The following DLG2 variants were observed in gnomAD, a reference collection of about 807,000 sequenced individuals.
DLG2 encodes disks large homolog 2.
In DLG2, 45 loss-of-function variants were observed where a neutral mutation model predicts 132.5. The observed-to-expected ratio is 0.34, with a 90% confidence interval of 0.27 to 0.44. The LOEUF is 0.44. Among genes scored for constraint, DLG2 ranks in the 20% least tolerant of loss-of-function variants. DLG2 has a pLI of 1.00. For synonymous variants in DLG2, 424 were observed against 419.6 expected, an observed-to-expected ratio of 1.01 and a Z score of -0.13; for missense variants, 1,045 against 1,196.9, an observed-to-expected ratio of 0.87 and a Z score of 1.87.
intron 6 of DLG2, among the ~76,000 whole-genome samples, chr11:84,616,004 C>A (rs1213681493): frequency 6.6e-6 from 1 of 151,720 alleles, no homozygotes; most frequent in East Asian, 1.9e-4. Context: ...GTGATCAAGA[C>A]AGACATTAGT....
chr11:83,924,067 T>C (rs988944242), intron 15 of DLG2, among the ~76,000 whole-genome samples: 10 of 152,198 alleles, frequency 6.6e-5, no homozygotes, highest in Admixed American at 4.6e-4. Flanking sequence ...GCTTAACTTA[T>C]TCCTATTTCT....
chr11:85,150,941 A>G (rs1258200291), intron 5 of DLG2, among the ~76,000 whole-genome samples: 1 of 152,128 alleles, frequency 6.6e-6, no homozygotes, highest in Admixed American at 6.6e-5. Flanking sequence ...TAAAGTTTTC[A>G]AGAATCTTTA....
chr11:84,545,952 C>T (rs1463760753), intron 6 of DLG2, among the ~76,000 whole-genome samples: 3 of 152,004 alleles, frequency 2.0e-5, no homozygotes, highest in Non-Finnish European at 2.9e-5. Context: ...GATGGGGTTT[C>T]GCCATGTTGG....
chr11:83,557,946 T>C (rs2096547719), intron 19 of DLG2, among the ~76,000 whole-genome samples: 1 of 152,128 alleles, frequency 6.6e-6, no homozygotes, highest in Non-Finnish European at 1.5e-5. Context: ...AAGGGGCCTT[T>C]TTCAATTTTA....
chr11:83,661,387 C>A (rs1405042463), intron 18 of DLG2, among the ~76,000 whole-genome samples: 1 of 152,024 alleles, frequency 6.6e-6, no homozygotes, highest in African/African-American at 2.4e-5. Flanking sequence ...CTATTCCTAT[C>A]ATTTTTCAGA....
At chr11:85,397,374 C>A in intron 3 of DLG2, among the ~76,000 whole-genome samples, 1 of 152,176 alleles carries the variant, frequency 6.6e-6, no homozygotes, top group South Asian at 2.1e-4. Context: ...CATCAATTAA[C>A]GGGCAAAATA....
chr11:84,850,239 C>T (rs908822223), intron 6 of DLG2, among the ~76,000 whole-genome samples: 11 of 152,064 alleles, frequency 7.2e-5, no homozygotes, highest in Admixed American at 3.3e-4. Flanking sequence ...CCAGACCTAG[C>T]CCTTAAAAAT....
intron 3 of DLG2, among the ~76,000 whole-genome samples, chr11:85,304,635 TAATA>T (rs1224581639): frequency 6.6e-6 from 1 of 152,138 alleles, no homozygotes; most frequent in Non-Finnish European, 1.5e-5. Context: ...GATGATCAAC[TAATA>T]AATATTTCAA....
intron 7 of DLG2, among the ~76,000 whole-genome samples, chr11:84,499,205 G>T (rs1426065791): frequency 6.6e-6 from 1 of 152,146 alleles, no homozygotes; most frequent in Non-Finnish European, 1.5e-5. Flanking sequence ...TAAACTTTTT[G>T]AAACTCACTT....
At chr11:84,556,453 C>T (rs979403725) in intron 6 of DLG2, among the ~76,000 whole-genome samples, 5 of 152,216 alleles carry the variant, frequency 3.3e-5, no homozygotes, top group Non-Finnish European at 5.9e-5. Flanking sequence ...GATCTTTTGG[C>T]TTCCCTAGGC....
At chr11:85,404,339 A>G (rs1039131176) in intron 3 of DLG2, among the ~76,000 whole-genome samples, 1 of 152,052 alleles carries the variant, frequency 6.6e-6, no homozygotes, top group African/African-American at 2.4e-5. Context: ...TACTGAATGG[A>G]TTAAAAGAAG....
rs1283600041 is a variant in DLG2, at chr11:85,074,829, AT to A, written c.357+36831del. ...CCCTAGTACATGCATGAAAAACAGT[AT>A]GTGCTAAATTTGAATTTGATTAATA... On this transcript the variant is annotated intron_variant, in intron 6 of 27. Coordinates refer to ENST00000376104, the MANE Select transcript of DLG2 (RefSeq NM_001142699.3). 9.9e-5 allele frequency among the ~76,000 whole-genome samples: 15 copies of A among 152,026 alleles called. 1 individual carries two copies. Among genetic ancestry groups the A allele is most frequent in the African/African-American group, 3.4e-4 (14 of 41,508 alleles).
intron 3 of DLG2, among the ~76,000 whole-genome samples, chr11:85,414,725 G>A (rs991587015): frequency 6.6e-6 from 1 of 151,922 alleles, no homozygotes; most frequent in African/African-American, 2.4e-5. Flanking sequence ...CTGTGCTGAT[G>A]TCTGTCTCAT....
chr11:84,763,898 T>A (rs1209634039), intron 6 of DLG2, among the ~76,000 whole-genome samples: 4 of 152,172 alleles, frequency 2.6e-5, no homozygotes, highest in Non-Finnish European at 4.4e-5. Context: ...AGAAACTGTG[T>A]TTGTTGGGGT....
intron 7 of DLG2, among the ~76,000 whole-genome samples, chr11:84,470,622 C>G (rs996440122): frequency 6.6e-6 from 1 of 151,628 alleles, no homozygotes; most frequent in Non-Finnish European, 1.5e-5. Context: ...TGCAACGTAC[C>G]TATGTAAGAG....
chr11:84,281,676 T>G lies in DLG2; in HGVS notation c.520-30385A>C, dbSNP rs2097856407. 2.2e-5 allele frequency among the ~76,000 whole-genome samples: 3 copies of G among 137,862 alleles called. No homozygotes were observed. The South Asian group carries it at 6.8e-4, about 31-fold the overall frequency. The allele number at this position is 137,862 out of a possible 152,430, so 90.4% of individuals were successfully genotyped here. A position where few individuals can be genotyped will look rare whatever the true frequency, so the allele number is the denominator to read the frequency against. ...AAAACAAATAACTCTTAAAATTCAA[T>G]CAGAAAAAAAAACCCAAAAATGAGC... On this transcript the variant is annotated intron_variant, in intron 7 of 27. Transcript: ENST00000376104.
intron 6 of DLG2, among the ~76,000 whole-genome samples, chr11:85,032,508 A>G (rs1408179259): frequency 6.6e-6 from 1 of 152,204 alleles, no homozygotes; most frequent in Non-Finnish European, 1.5e-5. Context: ...TGGTCAGGTA[A>G]TATATTAATC....
intron 7 of DLG2, among the ~76,000 whole-genome samples, chr11:84,336,558 C>T (rs1250619113): frequency 6.6e-6 from 1 of 152,210 alleles, no homozygotes; most frequent in Non-Finnish European, 1.5e-5. Flanking sequence ...ATGCTAGTCA[C>T]ATGGATTAAC....
At chr11:85,536,224 A>C (rs1217807148) in intron 3 of DLG2, among the ~76,000 whole-genome samples, 1 of 151,660 alleles carries the variant, frequency 6.6e-6, no homozygotes, top group Non-Finnish European at 1.5e-5. Context: ...CAAAAAAAAA[A>C]AAAAAAAAAA....
Sources: allele counts gnomAD v4.1 joint callset (sites outside exome capture counted in the v4.1 genomes callset), GRCh38; gene constraint gnomAD v4.1.1; transcripts MANE v1.5; gene names NCBI Gene and HGNC (gene_info 2026-07-23, HGNC 2026-07-21).